The following DNAH6 variants were observed in gnomAD, a reference collection of about 807,000 sequenced individuals.
DNAH6 encodes dynein axonemal heavy chain 6, also known as axonemal beta dynein heavy chain 6.
A neutral mutation model predicts 491.4 loss-of-function variants in DNAH6; 340 were observed. The ratio of observed to expected loss-of-function variants is 0.69; its 90% CI spans 0.63 to 0.76. The LOEUF is 0.76. DNAH6 is among the 30% of genes least tolerant of loss of function. The probability of loss-of-function intolerance (pLI) is 0.00; values close to 1 mark genes in which losing one functional copy is unlikely to be tolerated. For synonymous variants in DNAH6, 1,603 were observed against 1,686.1 expected, an observed-to-expected ratio of 0.95 and a Z score of 1.21; for missense variants, 4,443 against 4,972.2, an observed-to-expected ratio of 0.89 and a Z score of 3.20.
At chr2:84,628,842 T>C (rs1437956755) in intron 29 of DNAH6, among the ~76,000 whole-genome samples, 1 of 152,110 alleles carries the variant, frequency 6.6e-6, no homozygotes, top group East Asian at 1.9e-4. Context: ...TAAAAAGATA[T>C]GAAGAATAAA....
intron 11 of DNAH6, 98 bp downstream of exon 11, chr2:84,558,033 T>G: frequency 2.5e-6 from 2 of 809,218 alleles, no homozygotes; most frequent in Non-Finnish European, 3.6e-6. Context: ...ATGTTCTACA[T>G]GTGAAAATTG....
At chr2:84,634,478 G>A in intron 29 of DNAH6, 26 bp from the exon 30 acceptor site, 2 of 1,511,202 alleles carry the variant, frequency 1.3e-6, no homozygotes, top group South Asian at 1.3e-5. Flanking sequence ...ACAATACAAA[G>A]TTGAACTGCT....
intron 14 of DNAH6, among the ~76,000 whole-genome samples, chr2:84,581,930 A>G (rs1018634067): frequency 2.0e-5 from 3 of 152,192 alleles, no homozygotes; most frequent in African/African-American, 7.2e-5. Flanking sequence ...TACATAATTC[A>G]TTGTCCGATC....
chr2:84,544,392 A>C lies in DNAH6; in HGVS notation c.822A>C (p.Ser274=), dbSNP rs1558688855. 3 of 1,545,310 alleles carry C rather than the reference A, an allele frequency of 1.9e-6. No homozygotes were observed. Among genetic ancestry groups the C allele is most frequent in the Admixed American group, 3.9e-5 (2 of 50,980 alleles). Residue 274 remains serine, a synonymous_variant, in exon 5 of 77, where the codon TCA becomes TCC. Transcript: ENST00000389394. The stretch of plus-strand genomic sequence containing the variant: ...AACTCACTAAGATTCCCATATTTTC[A>C]CTGTTCCGGAAATGGAAGGCTTTTA... ...HRELTKIPIF[S]LFRKWKAFSV... is the part of the protein sequence containing the mutation.
intron 36 of DNAH6, 114 bp downstream of exon 36, chr2:84,658,588 T>A: frequency 2.7e-6 from 2 of 737,730 alleles, no homozygotes; most frequent in Non-Finnish European, 4.1e-6. Context: ...TAAGTTAATT[T>A]TTCAGGGGAC....
chr2:84,699,654 C>G lies in DNAH6; in HGVS notation c.7738C>G (p.Pro2580Ala). The G allele has an allele frequency of 6.4e-7, 1 of 1,551,720 alleles. No homozygotes were observed. Among genetic ancestry groups the G allele is most frequent in the Non-Finnish European group, 8.7e-7 (1 of 1,146,960 alleles). Residue 2580 changes from proline (P) to alanine (A), a missense_variant, in exon 48 of 77, where the codon CCA becomes GCA. This residue lies in a region of DNAH6 where 2,977 missense variants were observed against 3,296.6 expected (regional missense o/e 0.90). Coordinates refer to ENST00000389394, the MANE Select transcript of DNAH6 (RefSeq NM_001370.2). ...QKLHIVLCMSPVGEAFRSRCR... is the reference protein window; with the variant it reads ...QKLHIVLCMSAVGEAFRSRCR... The stretch of plus-strand genomic sequence containing the variant: ...GCTGCACATTGTTCTCTGCATGAGC[C>G]CAGTTGGGGAGGCCTTTCGGTCCCG...
chr2:84,560,003 A>C (rs1391997394), intron 11 of DNAH6, among the ~76,000 whole-genome samples: 6 of 152,174 alleles, frequency 3.9e-5, no homozygotes, highest in African/African-American at 1.4e-4. Flanking sequence ...AAGATAGAGA[A>C]ATCAGTAAAA....
intron 62 of DNAH6, among the ~76,000 whole-genome samples, chr2:84,735,194 T>C (rs1245165237): frequency 6.6e-6 from 1 of 152,248 alleles, no homozygotes; most frequent in Admixed American, 6.5e-5. Context: ...GACAATGGCC[T>C]CCAGCTGTAT....
chr2:84,690,230 AT>A (rs996228598), intron 45 of DNAH6, among the ~76,000 whole-genome samples: 52 of 152,002 alleles, frequency 3.4e-4, no homozygotes, highest in African/African-American at 1.2e-3. Flanking sequence ...AATCCCTAGA[AT>A]TTTTTTTCAC....
chr2:84,596,124 C>G (rs1025622164), intron 18 of DNAH6, among the ~76,000 whole-genome samples: 2 of 152,120 alleles, frequency 1.3e-5, no homozygotes, highest in Admixed American at 6.5e-5. Flanking sequence ...CTTGTCCAAT[C>G]GGCCTTGTCC....
intron 21 of DNAH6, among the ~76,000 whole-genome samples, chr2:84,609,755 TG>T (rs1477229370): frequency 6.6e-6 from 1 of 152,144 alleles, no homozygotes; most frequent in Non-Finnish European, 1.5e-5. Context: ...GTAATAATTT[TG>T]ACCCAGAGAC....
chr2:84,605,712 T>G, intron 20 of DNAH6, 120 bp downstream of exon 20: 1 of 605,584 alleles, frequency 1.7e-6, no homozygotes, highest in Non-Finnish European at 2.8e-6. Context: ...AAGAAAAATC[T>G]AATTGGGAAA....
intron 76 of DNAH6, among the ~76,000 whole-genome samples, chr2:84,817,229 G>C (rs114150043): frequency 0.024 from 3,680 of 151,934 alleles, 74 homozygotes; most frequent in South Asian, 0.06. Flanking sequence ...AAGAGACAAT[G>C]TATAATATAT....
intron 11 of DNAH6, among the ~76,000 whole-genome samples, chr2:84,560,788 C>T (rs1200884542): frequency 6.6e-6 from 1 of 152,182 alleles, no homozygotes; most frequent in Non-Finnish European, 1.5e-5. Flanking sequence ...ACGACATCAA[C>T]TCATCATTTC....
intron 37 of DNAH6, among the ~76,000 whole-genome samples, chr2:84,663,835 G>C (rs1245266345): frequency 6.6e-6 from 1 of 152,070 alleles, no homozygotes; most frequent in African/African-American, 2.4e-5. Flanking sequence ...AAATATTAAG[G>C]GCAGCTAGAG....
intron 59 of DNAH6, among the ~76,000 whole-genome samples, chr2:84,720,522 C>A (rs1489935628): frequency 7.2e-5 from 11 of 151,884 alleles, no homozygotes; most frequent in Non-Finnish European, 1.0e-4. Context: ...TCGTGATCCG[C>A]CCGCCTCGGC....
chr2:84,770,752 G>GTGGAAGGATCA (rs1249516293), intron 64 of DNAH6, among the ~76,000 whole-genome samples: 2 of 152,026 alleles, frequency 1.3e-5, no homozygotes, highest in Non-Finnish European at 2.9e-5. Flanking sequence ...GGAGGCCAAG[G>GTGGAAGGATCA]TGGAAGGATC....
intron 18 of DNAH6, among the ~76,000 whole-genome samples, chr2:84,599,761 C>T (rs1278911246): frequency 2.0e-5 from 3 of 151,974 alleles, no homozygotes; most frequent in African/African-American, 4.8e-5. Flanking sequence ...TTCTTAATTA[C>T]GATAGCTAGT....
intron 30 of DNAH6, 104 bp from the exon 31 acceptor site, chr2:84,637,106 T>C: frequency 1.0e-6 from 1 of 975,812 alleles, no homozygotes; most frequent in Non-Finnish European, 1.5e-6. Context: ...CAGTAGTCTT[T>C]GCTTTAGTGC....
Sources: allele counts gnomAD v4.1 joint callset (sites outside exome capture counted in the v4.1 genomes callset), GRCh38; gene constraint gnomAD v4.1.1; regional missense constraint gnomAD v4.1.1; transcripts MANE v1.5; gene names NCBI Gene and HGNC (gene_info 2026-07-23, HGNC 2026-07-21).